The following TBC1D9B variants were observed in gnomAD, a reference collection of about 807,000 sequenced individuals.
TBC1D9B encodes the protein TBC1 domain family, member 9B (with GRAM domain).
TBC1D9B carries 87 observed loss-of-function variants against 121.1 expected under a neutral mutation model. The ratio of observed to expected loss-of-function variants is 0.72; its 90% CI spans 0.60 to 0.86. The LOEUF (loss-of-function observed/expected upper bound fraction) is 0.86. TBC1D9B is among the 40% of genes least tolerant of loss of function. The probability of loss-of-function intolerance (pLI) is 0.00; values close to 1 mark genes in which losing one functional copy is unlikely to be tolerated. For synonymous variants in TBC1D9B, 668 were observed against 670.1 expected (o/e 1.00, Z 0.05); for missense variants, 1,540 against 1,628.6 (o/e 0.95, Z 0.94).
chr5:179,865,612 A>G lies in TBC1D9B; in HGVS notation c.2914+226T>C. On this transcript the variant is annotated intron_variant, in intron 19 of 20. Transcript: ENST00000355235. The surrounding 1 kb of genome is among the most constrained non-coding windows in gnomAD (Gnocchi z 5.1). ...TGTCTTCTCTCAGATGGGGAGTCAC[A>G]GGGCAGCTGGAGAGAAGCTGGCAAG... 1 of 622,442 alleles carries G rather than the reference A, an allele frequency of 1.6e-6. No individual in the cohort carries two copies. Among genetic ancestry groups the G allele is most frequent in the East Asian group, 2.7e-5 (1 of 36,594 alleles). 38.6% of individuals were successfully genotyped at this position (622,442 alleles called of 1,614,324 possible).
rs1476169666 is a variant in TBC1D9B, at chr5:179,891,495, G to T, written c.928C>A (p.Leu310Met). The change falls in exon 6 of 21, where the codon CTG becomes ATG. Residue 310 changes from leucine to methionine, a missense_variant. Coordinates refer to ENST00000355235, the MANE Select transcript of TBC1D9B (RefSeq NM_015043.4). This position sits in a 1 kb window ranked among gnomAD's most constrained non-coding sequence, Gnocchi z 4.3. Reference sequence around the variant, plus strand: ...TGCAGCTTGTTGAACGGCGTCCACAGGGTGCAGCTTGTGTGGCCGTCTAGC... The same window carrying T: ...TGCAGCTTGTTGAACGGCGTCCACATGGTGCAGCTTGTGTGGCCGTCTAGC... ...ERLDGHTSCTLWTPFNKLHIP... is the reference protein window; with the variant it reads ...ERLDGHTSCTMWTPFNKLHIP... 6.2e-7 allele frequency: 1 copy of T among 1,614,222 alleles called. No homozygotes were observed. The highest frequency in any genetic ancestry group is 1.7e-5 in the Admixed American group (1 of 60,034).
intron 15 of TBC1D9B, 103 bp from the exon 16 acceptor site, chr5:179,870,598 C>CG: frequency 6.9e-7 from 1 of 1,457,644 alleles, no homozygotes; most frequent in Non-Finnish European, 9.0e-7. Flanking sequence ...TCCAAGCCTG[C>CG]GGAGCCCTGG....
intron 7 of TBC1D9B, among the ~76,000 whole-genome samples, chr5:179,886,664 G>A (rs1423678842): frequency 1.3e-5 from 2 of 152,236 alleles, no homozygotes; most frequent in Non-Finnish European, 2.9e-5. Context: ...CACGGCTCTA[G>A]AGCATGGAGG....
At chr5:179,869,891 AG>A in intron 16 of TBC1D9B, 57 bp from the exon 17 acceptor site, 5 of 1,482,234 alleles carry the variant, frequency 3.4e-6, no homozygotes, top group Non-Finnish European at 3.6e-6. Flanking sequence ...AGCCCCTTCC[AG>A]GGGGTCCGAG....
chr5:179,868,062 G>A lies in TBC1D9B; in HGVS notation c.2792-213C>T, dbSNP rs116585767. On this transcript the variant is annotated intron_variant, in intron 17 of 20. Coordinates refer to ENST00000355235, the MANE Select transcript of TBC1D9B (RefSeq NM_015043.4). Reference sequence around the variant, plus strand: ...TTCCTCAGCTTTTTTTTTTTTAATGGACTCTCACTTTATCACCCATGCTGC... The same window carrying A: ...TTCCTCAGCTTTTTTTTTTTTAATGAACTCTCACTTTATCACCCATGCTGC... The A allele has an allele frequency of 4.1e-3, 1,695 of 413,030 alleles. 31 individuals carry two copies. The highest frequency in any genetic ancestry group is 0.032 in the African/African-American group (1,582 of 49,886). 25.6% of individuals were successfully genotyped at this position (413,030 alleles called of 1,614,324 possible). A position where few individuals can be genotyped will look rare whatever the true frequency, so the allele number is the denominator to read the frequency against.
At position 179,904,656 on chromosome 5, in the gene TBC1D9B, C is replaced by T. The variant is rs553261331; in HGVS notation, c.229+46G>A. On this transcript the variant is annotated intron_variant, in intron 2 of 20. Coordinates refer to ENST00000355235, the MANE Select transcript of TBC1D9B (RefSeq NM_015043.4). The surrounding 1 kb of genome is among the most constrained non-coding windows in gnomAD (Gnocchi z 4.2). ...CCCCTTCCTCTCGGCAACGGCCCTT[C>T]CAGGGCAGGCCCTGCCCAGCACCCC... The T allele has an allele frequency of 7.9e-6, 12 of 1,512,090 alleles. No homozygotes were observed. The South Asian group carries it at 1.1e-4, about 14-fold the overall frequency. The allele number at this position is 1,512,090 out of a possible 1,614,324, so 93.7% of individuals were successfully genotyped here. A position where few individuals can be genotyped will look rare whatever the true frequency, so the allele number is the denominator to read the frequency against.
intron 10 of TBC1D9B, among the ~76,000 whole-genome samples, chr5:179,877,329 T>C (rs192426): frequency 0.92 from 139,844 of 151,812 alleles, 64,565 homozygotes; most frequent in East Asian, 1. Context: ...AGCAAGACCC[T>C]GTCTCTAAAA....
chr5:179,876,553 G>A (rs962140035), intron 10 of TBC1D9B, among the ~76,000 whole-genome samples: 2 of 152,190 alleles, frequency 1.3e-5, no homozygotes, highest in African/African-American at 4.8e-5. Context: ...AAGGCAAACA[G>A]AAAGCCATAT....
chr5:179,891,279 C>G lies in TBC1D9B; in HGVS notation c.1044+100G>C. The G allele has an allele frequency of 7.3e-7, 1 of 1,364,808 alleles. No individual in the cohort carries two copies. Among genetic ancestry groups the G allele is most frequent in the Non-Finnish European group, 1.0e-6 (1 of 973,038 alleles). 84.5% of individuals were successfully genotyped at this position (1,364,808 alleles called of 1,614,324 possible). A position where few individuals can be genotyped will look rare whatever the true frequency, so the allele number is the denominator to read the frequency against. ...CTGGGCTAGGGCATCCTCCCAGGTA[C>G]CCCCCAGTGAGACAGGGCAGAGCAG... On this transcript the variant is annotated intron_variant, in intron 6 of 20. Transcript: ENST00000355235. The surrounding 1 kb of genome is among the most constrained non-coding windows in gnomAD (Gnocchi z 4.3).
chr5:179,869,530 C>G (rs1760121533), intron 17 of TBC1D9B: 2 of 668,688 alleles, frequency 3.0e-6, no homozygotes, highest in African/African-American at 1.8e-5. Flanking sequence ...AGTTCTGTAC[C>G]CAGCAGTGCC....
Position 179,880,229 on chromosome 5 carries a change from C to T in TBC1D9B, c.1255-440G>A, listed in dbSNP as rs541121114. 8.5e-5 allele frequency among the ~76,000 whole-genome samples: 13 copies of T among 152,324 alleles called. No homozygotes were observed. In the South Asian group the frequency reaches 2.3e-3, roughly 27 times the overall value. On this transcript the variant is annotated intron_variant, in intron 7 of 20. Coordinates refer to ENST00000355235, the MANE Select transcript of TBC1D9B (RefSeq NM_015043.4). ...GCTCAGGGTGGGTTTAGGGCGACTG[C>T]GTCACCCGGTTGCTACCAAGGAAAT...
chr5:179,889,871 CA>C (rs397883158), intron 6 of TBC1D9B, among the ~76,000 whole-genome samples: 18,902 of 49,264 alleles, frequency 0.38, 1,058 homozygotes, highest in East Asian at 0.52. Flanking sequence ...GACCCTGTCT[CA>C]AAAAAAAAAA....
At chr5:179,887,798 C>T (rs1038260942) in intron 7 of TBC1D9B, 6 of 459,016 alleles carry the variant, frequency 1.3e-5, no homozygotes, top group Non-Finnish European at 2.4e-5. Flanking sequence ...TACAGGCCTC[C>T]ACAGTGTGGC....
chr5:179,866,122 C>T, intron 18 of TBC1D9B: 1 of 526,976 alleles, frequency 1.9e-6, no homozygotes, highest in Non-Finnish European at 3.4e-6. Flanking sequence ...ATAAAGGCCG[C>T]CAAACCCTCA....
intron 2 of TBC1D9B, among the ~76,000 whole-genome samples, chr5:179,903,956 T>A (rs1366866372): frequency 6.6e-6 from 1 of 152,052 alleles, no homozygotes; most frequent in Non-Finnish European, 1.5e-5. Flanking sequence ...AATTTTTCAC[T>A]GCTTTGAACG....
chr5:179,894,868 T>A (rs1299158256), intron 3 of TBC1D9B, among the ~76,000 whole-genome samples: 1 of 152,140 alleles, frequency 6.6e-6, no homozygotes, highest in East Asian at 1.9e-4. Context: ...AGCAGAGGCT[T>A]TTTAAAAAAA....
chr5:179,863,288 G>T lies in TBC1D9B; in HGVS notation c.*160C>A. Reference sequence around the variant, plus strand: ...AGGCCCAGGGAATCTGTCTAAGGCAGCTGGGTCTGCACCAGCCTTCTTTCC... The same window carrying T: ...AGGCCCAGGGAATCTGTCTAAGGCATCTGGGTCTGCACCAGCCTTCTTTCC... On this transcript the variant is annotated 3_prime_UTR_variant, in exon 21 of 21. Coordinates refer to ENST00000355235, the MANE Select transcript of TBC1D9B (RefSeq NM_015043.4). This position sits in a 1 kb window ranked among gnomAD's most constrained non-coding sequence, Gnocchi z 4.5. 2 of 819,376 alleles carry T rather than the reference G, an allele frequency of 2.4e-6. No homozygotes were observed. Among genetic ancestry groups the T allele is most frequent in the Non-Finnish European group, 3.8e-6 (2 of 533,138 alleles). The allele number at this position is 819,376 out of a possible 1,614,324, so 50.8% of individuals were successfully genotyped here. A position where few individuals can be genotyped will look rare whatever the true frequency, so the allele number is the denominator to read the frequency against.
chr5:179,892,774 G>A (rs1034189097), intron 5 of TBC1D9B, among the ~76,000 whole-genome samples: 12 of 152,290 alleles, frequency 7.9e-5, no homozygotes, highest in African/African-American at 1.4e-4. Flanking sequence ...GACGGAGGCC[G>A]TGCACTTGAG....
In TBC1D9B at chr5:179,904,714, T is replaced by C; in HGVS notation, c.217A>G (p.Thr73Ala). The C allele has an allele frequency of 6.4e-7, 1 of 1,570,998 alleles. No homozygotes were observed. Among genetic ancestry groups the C allele is most frequent in the Non-Finnish European group, 8.6e-7 (1 of 1,158,286 alleles). ...TCAGGGCACCTACCACACGCCACTG[T>C]CCAGTAGACCTGGGAGTCCTGGGTC... ...HQTQDSQVYWTVACGSSRKEI... is the reference protein window; with the variant it reads ...HQTQDSQVYWAVACGSSRKEI... Residue 73 changes from threonine to alanine, a missense_variant, in exon 2 of 21, where the codon ACA (threonine) becomes GCA (alanine). Transcript: ENST00000355235. This position sits in a 1 kb window ranked among gnomAD's most constrained non-coding sequence, Gnocchi z 4.2.
Sources: gnomAD v4.1 joint callset for allele counts (sites outside exome capture counted in the v4.1 genomes callset) on GRCh38, gnomAD v4.1.1 for gene constraint, Gnocchi (gnomAD v3.1) non-coding constraint, MANE v1.5 for transcripts, NCBI Gene and HGNC (gene_info 2026-07-23, HGNC 2026-07-21) for gene names.